IL1RAPL2: variants seen among roughly 807,000 people sequenced by gnomAD.
IL1RAPL2 encodes the protein X-linked interleukin-1 receptor accessory protein-like 2.
A neutral mutation model predicts 44.1 loss-of-function variants in IL1RAPL2; 3 were observed. The ratio of observed to expected loss-of-function variants is 0.07; its 90% CI spans 0.03 to 0.18. The LOEUF is 0.18. IL1RAPL2 is among the 10% of genes least tolerant of loss of function. The pLI, the probability that IL1RAPL2 is intolerant of heterozygous loss-of-function variation, is 1.00. For missense variants in IL1RAPL2, 391 were observed against 496.4 expected, an observed-to-expected ratio of 0.79 and a Z score of 2.02; for synonymous variants, 181 against 178.8, an observed-to-expected ratio of 1.01 and a Z score of -0.10.
chrX:105,418,164 C>T (rs2035747716), intron 5 of IL1RAPL2, among the ~76,000 whole-genome samples: 1 of 110,359 alleles, frequency 9.1e-6, no homozygotes, highest in Non-Finnish European at 1.9e-5. Flanking sequence ...CTTTGTAATT[C>T]TAGGGCCTAC....
intron 6 of IL1RAPL2, among the ~76,000 whole-genome samples, chrX:105,635,320 A>G (rs888508545): frequency 9.0e-6 from 1 of 111,603 alleles, no homozygotes; most frequent in African/African-American, 3.3e-5. Flanking sequence ...ATAGGCCAAG[A>G]ACAGAATTTT....
At chrX:105,168,069 A>G (rs1021985873) in intron 2 of IL1RAPL2, among the ~76,000 whole-genome samples, 1 of 111,390 alleles carries the variant, frequency 9.0e-6, no homozygotes, top group African/African-American at 3.3e-5. Flanking sequence ...ACATGAACTT[A>G]ATGAAGTAAT....
chrX:104,786,712 GATTAAAA>G (rs1025443598), intron 2 of IL1RAPL2, among the ~76,000 whole-genome samples: 1 of 111,608 alleles, frequency 9.0e-6, no homozygotes, highest in Non-Finnish European at 1.9e-5. Flanking sequence ...TATATTAATA[GATTAAAA>G]ATACAGTAGC....
intron 2 of IL1RAPL2, among the ~76,000 whole-genome samples, chrX:104,894,279 G>A (rs965963249): frequency 2.7e-5 from 3 of 111,069 alleles, no homozygotes; most frequent in Non-Finnish European, 3.8e-5. Flanking sequence ...TGCTCTTCTC[G>A]AGGAGCATCT....
chrX:104,585,454 A>T (rs2147994817), intron 1 of IL1RAPL2, among the ~76,000 whole-genome samples: 1 of 72,895 alleles, frequency 1.4e-5, no homozygotes, highest in Admixed American at 2.1e-4. Context: ...AGTTCTCTGC[A>T]CCTTTTAAGT....
intron 2 of IL1RAPL2, among the ~76,000 whole-genome samples, chrX:104,976,818 C>T (rs907671833): frequency 9.1e-6 from 1 of 109,503 alleles, no homozygotes; most frequent in African/African-American, 3.3e-5. Flanking sequence ...AAAAATGTGA[C>T]TCTGGTGTTC....
chrX:105,523,630 A>G (rs969836829), intron 6 of IL1RAPL2, among the ~76,000 whole-genome samples: 1 of 111,604 alleles, frequency 9.0e-6, no homozygotes, highest in African/African-American at 3.3e-5. Context: ...ATATCTTTTG[A>G]ACAGTGAATT....
At chrX:105,666,085 T>G (rs5916943) in intron 6 of IL1RAPL2, among the ~76,000 whole-genome samples, 118 of 77,941 alleles carry the variant, frequency 1.5e-3, no homozygotes, top group East Asian at 0.014. Context: ...AAAATGGGTT[T>G]TTTTTTTTTT....
intron 4 of IL1RAPL2, among the ~76,000 whole-genome samples, chrX:105,258,530 A>C (rs1226892928): frequency 5.4e-5 from 6 of 112,012 alleles, no homozygotes; most frequent in African/African-American, 1.9e-4. Context: ...TACGTTTTCC[A>C]AGTTGTTTGC....
intron 6 of IL1RAPL2, among the ~76,000 whole-genome samples, chrX:105,712,805 C>A (rs1208660491): frequency 8.9e-6 from 1 of 111,857 alleles, no homozygotes; most frequent in Non-Finnish European, 1.9e-5. Context: ...AACTCCGTTC[C>A]ACCTATGAGT....
At chrX:104,974,121 CCACAATTTTAAGATTTTAAACCA>C (rs1334119718) in intron 2 of IL1RAPL2, among the ~76,000 whole-genome samples, 2 of 111,352 alleles carry the variant, frequency 1.8e-5, no homozygotes, top group African/African-American at 6.5e-5. Flanking sequence ...GAGAACTATT[CCACAATTTTAAGATTTTAAACCA>C]CACAAAAAGC....
rs760670058 is a variant in IL1RAPL2, at chrX:104,657,945, T to A, written c.-19-950T>A. On this transcript the variant is annotated intron_variant, in intron 1 of 10. Coordinates refer to ENST00000372582, the MANE Select transcript of IL1RAPL2 (RefSeq NM_017416.2). ...CCATCTCACACCAGTTAGAATGGCATTCATTAAAAAGTTAGGAAACAACAG... is the reference window on the plus strand; with the variant it reads ...CCATCTCACACCAGTTAGAATGGCAATCATTAAAAAGTTAGGAAACAACAG... Among the ~76,000 whole-genome samples the A allele has an allele frequency of 1.2e-4, 13 of 111,883 alleles. No individual in the cohort carries two copies. In the Admixed American group the frequency reaches 1.2e-3, roughly 11 times the overall value.
At chrX:104,921,211 C>T (rs927649267) in intron 2 of IL1RAPL2, among the ~76,000 whole-genome samples, 2 of 111,442 alleles carry the variant, frequency 1.8e-5, no homozygotes, top group Non-Finnish European at 3.8e-5. Context: ...TGCTAGGCAG[C>T]GACAGCAAAA....
intron 6 of IL1RAPL2, among the ~76,000 whole-genome samples, chrX:105,526,116 A>G (rs10521506): frequency 0.52 from 57,644 of 110,814 alleles, 11,542 homozygotes; most frequent in African/African-American, 0.73. Context: ...CTGTGGTTCT[A>G]AAAGAAGTAA....
intron 2 of IL1RAPL2, among the ~76,000 whole-genome samples, chrX:104,909,594 T>G (rs1569340231): frequency 9.0e-6 from 1 of 111,328 alleles, no homozygotes; most frequent in Non-Finnish European, 1.9e-5. Context: ...TCTGTTGGAG[T>G]CCCCTTGCCG....
chrX:104,716,589 A>AT (rs1931570928), intron 2 of IL1RAPL2, among the ~76,000 whole-genome samples: 1 of 110,943 alleles, frequency 9.0e-6, no homozygotes, highest in South Asian at 3.7e-4. Context: ...AACACAAACA[A>AT]TCCCGTTAAA....
intron 2 of IL1RAPL2, among the ~76,000 whole-genome samples, chrX:104,910,418 T>G (rs976498049): frequency 5.4e-5 from 6 of 112,099 alleles, no homozygotes; most frequent in Admixed American, 1.9e-4. Context: ...GTGCAGAATG[T>G]GCAGGTTTAT....
chrX:105,003,994 G>A (rs1162274048), intron 2 of IL1RAPL2, among the ~76,000 whole-genome samples: 1 of 111,524 alleles, frequency 9.0e-6, no homozygotes, highest in East Asian at 2.9e-4. Flanking sequence ...ATTTCAAGAA[G>A]GTTATAGAAA....
intron 1 of IL1RAPL2, among the ~76,000 whole-genome samples, chrX:104,575,175 T>G (rs764843845): frequency 9.0e-6 from 1 of 111,197 alleles, no homozygotes; most frequent in East Asian, 2.8e-4. Context: ...GAGCAGGACT[T>G]TCTAATAATA....
Sources: gnomAD v4.1 joint callset for allele counts (sites outside exome capture counted in the v4.1 genomes callset) on GRCh38, gnomAD v4.1.1 for gene constraint, MANE v1.5 for transcripts, NCBI Gene and HGNC (gene_info 2026-07-23, HGNC 2026-07-21) for gene names.